The following MLLT10 variants were observed in gnomAD, a reference collection of about 807,000 sequenced individuals.
MLLT10 encodes the protein protein AF-10.
MLLT10 carries 30 observed loss-of-function variants against 129.1 expected under a neutral mutation model. The observed-to-expected ratio is 0.23, with a 90% CI of 0.17 to 0.32. The LOEUF is 0.32. MLLT10 is among the 10% of genes least tolerant of loss of function. MLLT10 has a pLI of 1.00. For missense variants in MLLT10, 1,119 were observed against 1,268.3 expected (o/e 0.88, Z 1.79); for synonymous variants, 490 against 446.4 (o/e 1.10, Z -1.23).
intron 4 of MLLT10, among the ~76,000 whole-genome samples, chr10:21,588,052 G>A (rs1294475782): frequency 6.6e-6 from 1 of 151,702 alleles, no homozygotes; most frequent in Admixed American, 6.6e-5. Flanking sequence ...TTTTTTTTGA[G>A]ACTTTGCTTT....
At chr10:21,716,997 C>A (rs1368006667) in intron 14 of MLLT10, among the ~76,000 whole-genome samples, 1 of 151,948 alleles carries the variant, frequency 6.6e-6, no homozygotes, top group Non-Finnish European at 1.5e-5. Flanking sequence ...TGGCTCACAC[C>A]TGTAATCCCA....
In MLLT10 at chr10:21,690,652, G is replaced by A. The variant is rs532865705; in HGVS notation, c.1699+8395G>A. 3.3e-5 allele frequency among the ~76,000 whole-genome samples: 5 copies of A among 151,674 alleles called. No homozygotes were observed. In the South Asian group the frequency reaches 6.3e-4, roughly 19 times the overall value. On this transcript the variant is annotated intron_variant, in intron 13 of 22. Transcript: ENST00000307729. The stretch of plus-strand genomic sequence containing the variant: ...CCTCTCCTCTTGTATTTTTTTGTCC[G>A]AAATACCTCTGTCCTGGAGTTACTG...
chr10:21,718,008 C>G (rs987910126), intron 14 of MLLT10, among the ~76,000 whole-genome samples: 2 of 151,622 alleles, frequency 1.3e-5, no homozygotes, highest in Admixed American at 6.6e-5. Flanking sequence ...CCACGCCTGG[C>G]TAATTTTTGT....
chr10:21,718,643 C>T (rs2056917693), intron 14 of MLLT10, among the ~76,000 whole-genome samples: 1 of 152,170 alleles, frequency 6.6e-6, no homozygotes, highest in Non-Finnish European at 1.5e-5. Flanking sequence ...GTAGACTTAA[C>T]ATTTAAAGTA....
At chr10:21,670,959 T>A (rs369660565) in intron 10 of MLLT10, 3 of 380,856 alleles carry the variant, frequency 7.9e-6, no homozygotes, top group East Asian at 4.7e-5. Flanking sequence ...TAACTAGATA[T>A]GGAATAATGC....
intron 5 of MLLT10, among the ~76,000 whole-genome samples, chr10:21,611,508 A>G (rs189804637): frequency 2.4e-3 from 372 of 152,244 alleles, no homozygotes; most frequent in African/African-American, 8.3e-3. Context: ...CTTTTTCAAC[A>G]TGTATCACCT....
chr10:21,726,251 C>G lies in MLLT10; in HGVS notation c.1886C>G (p.Thr629Ser), dbSNP rs1372967402. The G allele has an allele frequency of 9.4e-6, 15 of 1,600,472 alleles. No individual in the cohort carries two copies. The Admixed American group carries it at 2.0e-4, about 22-fold the overall frequency. The stretch of plus-strand genomic sequence containing the variant: ...GTAATTTTTTCCATTTAGGCAAATA[C>G]TCTATCTGGATCTTCTCTCAGTCAG... ...APAVATTQAN[T>S]LSGSSLSQAP... Residue 629 changes from threonine to serine, a missense_variant, in exon 15 of 23, where the codon ACT (threonine) becomes AGT (serine). Coordinates refer to ENST00000307729, the MANE Select transcript of MLLT10 (RefSeq NM_001195626.3).
intron 9 of MLLT10, among the ~76,000 whole-genome samples, chr10:21,662,328 C>A (rs935378408): frequency 6.6e-6 from 1 of 152,124 alleles, no homozygotes; most frequent in African/African-American, 2.4e-5. Flanking sequence ...CTTCTCTTCC[C>A]TGTATTCCCA....
rs139940302 is a variant in MLLT10, at chr10:21,682,368, C to A, written c.1699+111C>A. 1.3e-3 allele frequency: 1,255 copies of A among 1,002,594 alleles called. 4 individuals carry two copies. The highest frequency in any genetic ancestry group is 1.7e-3 in the Non-Finnish European group (1,159 of 687,056). The allele number at this position is 1,002,594 out of a possible 1,614,324, so 62.1% of individuals were successfully genotyped here. A position where few individuals can be genotyped will look rare whatever the true frequency, so the allele number is the denominator to read the frequency against. ...TCTATTGATTAGATGAAATCCAGTG[C>A]TGCAGTGAGTCAATTGTTCAGCACC... On this transcript the variant is annotated intron_variant, in intron 13 of 22. Coordinates refer to ENST00000307729, the MANE Select transcript of MLLT10 (RefSeq NM_001195626.3).
chr10:21,551,012 A>G (rs12357761), intron 3 of MLLT10, among the ~76,000 whole-genome samples: 3 of 148,804 alleles, frequency 2.0e-5, no homozygotes, highest in Admixed American at 1.4e-4. Context: ...TCTGCCTCCC[A>G]GGTTCAAGTG....
rs374123627 is a variant in MLLT10 at position 21,727,838 on chromosome 10, G to A, written c.1991-18G>A. 7.5e-6 allele frequency: 12 copies of A among 1,608,738 alleles called. No homozygotes were observed. The highest frequency in any genetic ancestry group is 1.0e-5 in the Non-Finnish European group (12 of 1,175,772). ...TAGTGAGAGTCACTTTATCAGCTCT[G>A]AAATATTTACACTACAGATCAAGAT... On this transcript the variant is annotated intron_variant, in intron 15 of 22. Coordinates refer to ENST00000307729, the MANE Select transcript of MLLT10 (RefSeq NM_001195626.3).
At chr10:21,640,145 C>T (rs1371538571) in intron 8 of MLLT10, among the ~76,000 whole-genome samples, 1 of 145,488 alleles carries the variant, frequency 6.9e-6, no homozygotes, top group Non-Finnish European at 1.5e-5. Context: ...GTGGACAAAA[C>T]CAATATATGT....
chr10:21,556,538 A>AT (rs2038010109), intron 3 of MLLT10: 1 of 809,518 alleles, frequency 1.2e-6, no homozygotes, highest in Non-Finnish European at 1.9e-6. Context: ...GATTTCTTCC[A>AT]TTTACCCTCT....
In MLLT10 at chr10:21,614,684, A is replaced by G. The variant is rs2045050171; in HGVS notation, c.510-147A>G. 6.7e-6 allele frequency: 4 copies of G among 601,308 alleles called. No individual in the cohort carries two copies. In the Admixed American group the frequency reaches 1.4e-4, roughly 21 times the overall value. The allele number at this position is 601,308 out of a possible 1,614,324, so 37.2% of individuals were successfully genotyped here. ...GGGTGAAATACACTTGGTCACAGCT[A>G]GAATAAAGCTTTTTATTTTCTCATT... On this transcript the variant is annotated intron_variant, in intron 6 of 22. Coordinates refer to ENST00000307729, the MANE Select transcript of MLLT10 (RefSeq NM_001195626.3).
intron 13 of MLLT10, among the ~76,000 whole-genome samples, chr10:21,700,299 A>G (rs1401523075): frequency 6.6e-6 from 1 of 152,116 alleles, no homozygotes; most frequent in African/African-American, 2.4e-5. Context: ...ATATAAGATC[A>G]TGTAATCTGC....
chr10:21,626,093 T>C (rs2046404639), intron 8 of MLLT10: 2 of 1,605,550 alleles, frequency 1.2e-6, no homozygotes, highest in Non-Finnish European at 1.7e-6. Flanking sequence ...CTTTGTGGAC[T>C]CTTGCACCTA....
At chr10:21,699,644 G>A (rs1389098998) in intron 13 of MLLT10, among the ~76,000 whole-genome samples, 1 of 151,442 alleles carries the variant, frequency 6.6e-6, no homozygotes, top group African/African-American at 2.4e-5. Flanking sequence ...CCTTTCCTCG[G>A]TGTACGTACT....
intron 13 of MLLT10, among the ~76,000 whole-genome samples, chr10:21,683,302 A>G (rs1326130410): frequency 6.6e-6 from 1 of 152,078 alleles, no homozygotes; most frequent in Non-Finnish European, 1.5e-5. Context: ...GTGCCTGCGG[A>G]AGCTTAGATA....
intron 9 of MLLT10, 140 bp downstream of exon 9, chr10:21,651,908 T>TTC (rs2049078811): frequency 2.2e-6 from 1 of 448,428 alleles, no homozygotes; most frequent in African/African-American, 2.5e-5. Context: ...CATTTCTTTT[T>TTC]TTTTTTTTTT....
Sources: allele counts gnomAD v4.1 joint callset (sites outside exome capture counted in the v4.1 genomes callset), GRCh38; gene constraint gnomAD v4.1.1; transcripts MANE v1.5; gene names NCBI Gene and HGNC (gene_info 2026-07-23, HGNC 2026-07-21).